The following NLGN4X variants were observed in gnomAD, a reference collection of about 807,000 sequenced individuals.
The protein encoded by NLGN4X is neuroligin 4 X-linked.
In NLGN4X, 3 loss-of-function variants were observed where a neutral mutation model predicts 40.3. The ratio of observed to expected loss-of-function variants is 0.07; its 90% confidence interval spans 0.03 to 0.19. NLGN4X has a LOEUF of 0.19. NLGN4X is among the 10% of genes least tolerant of loss of function. The pLI is 1.00. For missense variants in NLGN4X, 382 were observed against 708.3 expected (o/e 0.54, Z 5.23); for synonymous variants, 270 against 306.8 (o/e 0.88, Z 1.25).
At chrX:6,198,393 T>C (rs759006607) in intron 1 of NLGN4X, among the ~76,000 whole-genome samples, 2 of 111,891 alleles carry the variant, frequency 1.8e-5, no homozygotes, top group Non-Finnish European at 3.8e-5. Flanking sequence ...TGACTTTTCA[T>C]ATGATGCTAA....
At chrX:6,132,698 T>C (rs2039707194) in intron 2 of NLGN4X, among the ~76,000 whole-genome samples, 1 of 111,826 alleles carries the variant, frequency 8.9e-6, no homozygotes, top group Non-Finnish European at 1.9e-5. Context: ...CAGATAGAGT[T>C]GGCTGCCCTG....
At position 6,047,320 on chromosome X, in the gene NLGN4X, A is replaced by G. The variant is rs776254197; in HGVS notation, c.473-17888T>C. 6.3e-5 allele frequency among the ~76,000 whole-genome samples: 7 copies of G among 110,941 alleles called. No homozygotes were observed. In the South Asian group the frequency reaches 1.5e-3, roughly 24 times the overall value. On this transcript the variant is annotated intron_variant, in intron 2 of 5. Transcript: ENST00000381095. ...TGGTAAAACCCAGTATCTACTAACAACACAAAAATTAGCTGGTCGTGGGGT... is the reference window on the plus strand; with the variant it reads ...TGGTAAAACCCAGTATCTACTAACAGCACAAAAATTAGCTGGTCGTGGGGT...
At chrX:6,019,464 C>T (rs1256105090) in intron 3 of NLGN4X, among the ~76,000 whole-genome samples, 1 of 111,381 alleles carries the variant, frequency 9.0e-6, no homozygotes, top group Non-Finnish European at 1.9e-5. Flanking sequence ...TTTAAACATC[C>T]CGCTCAGATT....
intron 3 of NLGN4X, among the ~76,000 whole-genome samples, chrX:5,947,918 G>T (rs910025901): frequency 3.6e-5 from 4 of 111,943 alleles, no homozygotes; most frequent in African/African-American, 1.3e-4. Context: ...TTGCAGAATA[G>T]CATGAGCACA....
intron 3 of NLGN4X, among the ~76,000 whole-genome samples, chrX:5,946,937 T>A (rs2034143730): frequency 8.9e-6 from 1 of 111,822 alleles, no homozygotes; most frequent in African/African-American, 3.3e-5. Flanking sequence ...AGTATTTGAT[T>A]CTCTGTTACC....
At chrX:5,922,552 A>G (rs1453909020) in intron 3 of NLGN4X, among the ~76,000 whole-genome samples, 1 of 111,784 alleles carries the variant, frequency 8.9e-6, no homozygotes, top group Non-Finnish European at 1.9e-5. Flanking sequence ...CTTTAAATTA[A>G]GCAAAACTAA....
chrX:6,160,023 G>C (rs959517599), intron 1 of NLGN4X, among the ~76,000 whole-genome samples: 1 of 110,963 alleles, frequency 9.0e-6, no homozygotes, highest in African/African-American at 3.3e-5. Context: ...GAGAGAGAGA[G>C]AAGTGAGGAT....
At position 6,228,557 on chromosome X, in the gene NLGN4X, C is replaced by G. The variant is rs745859078; in HGVS notation, c.-322G>C. ...TGCACCTACCTTAGCTTTGGAAGAG[C>G]TGCATCGGCCGTTAAGAGTTCTTTT... On this transcript the variant is annotated 5_prime_UTR_variant, in exon 1 of 6. Transcript: ENST00000381095. 4.5e-5 allele frequency: 5 copies of G among 111,384 alleles called. No individual in the cohort carries two copies. The highest frequency in any genetic ancestry group is 7.5e-5 in the Non-Finnish European group (4 of 53,152). The allele number at this position is 111,384 out of a possible 1,213,427, so 9.2% of individuals were successfully genotyped here.
At chrX:6,213,459 C>G (rs5916333) in intron 1 of NLGN4X, among the ~76,000 whole-genome samples, 34,684 of 110,528 alleles carry the variant, frequency 0.31, 5,865 homozygotes, top group African/African-American at 0.66. Context: ...CCAGTGAAAT[C>G]CAAACAAATT....
chrX:6,137,277 G>A (rs936142065), intron 2 of NLGN4X, among the ~76,000 whole-genome samples: 2 of 111,670 alleles, frequency 1.8e-5, no homozygotes, highest in African/African-American at 6.5e-5. Flanking sequence ...TGTCTTTGTT[G>A]TTGTGTCTCT....
chrX:6,104,527 GCTCT>G (rs34616814), intron 2 of NLGN4X, among the ~76,000 whole-genome samples: 34 of 102,987 alleles, frequency 3.3e-4, no homozygotes, highest in Admixed American at 5.3e-4. Context: ...GATCTTTTTT[GCTCT>G]CTCTCTCTCT....
intron 2 of NLGN4X, among the ~76,000 whole-genome samples, chrX:6,138,197 G>A (rs1305035812): frequency 1.8e-5 from 2 of 111,773 alleles, no homozygotes; most frequent in African/African-American, 6.5e-5. Context: ...GTGGCTTCCA[G>A]CTCAATATAT....
At chrX:6,063,474 C>T (rs1013856952) in intron 2 of NLGN4X, among the ~76,000 whole-genome samples, 1 of 111,569 alleles carries the variant, frequency 9.0e-6, no homozygotes, top group Admixed American at 9.5e-5. Flanking sequence ...CAGGGCAAGA[C>T]CCTGTCTTTA....
intron 5 of NLGN4X, among the ~76,000 whole-genome samples, chrX:5,899,322 C>A (rs2031711340): frequency 8.9e-6 from 1 of 111,848 alleles, no homozygotes; most frequent in Middle Eastern, 4.2e-3. Context: ...TCTCTACCTG[C>A]AGCTTTTGAT....
intron 2 of NLGN4X, among the ~76,000 whole-genome samples, chrX:6,088,555 C>CT (rs1247745972): frequency 1.8e-5 from 2 of 111,914 alleles, no homozygotes; most frequent in African/African-American, 6.5e-5. Flanking sequence ...AAGCAAATCT[C>CT]TATCACCATT....
intron 3 of NLGN4X, among the ~76,000 whole-genome samples, chrX:5,969,667 C>G (rs1403520793): frequency 9.0e-6 from 1 of 111,013 alleles, no homozygotes; most frequent in Non-Finnish European, 1.9e-5. Context: ...AGCCATCCCA[C>G]TACTGATCAT....
chrX:6,119,833 G>A (rs866526668), intron 2 of NLGN4X, among the ~76,000 whole-genome samples: 3 of 111,227 alleles, frequency 2.7e-5, no homozygotes, highest in Non-Finnish European at 5.7e-5. Flanking sequence ...TCATGAAGAC[G>A]TGATCTTTGT....
At position 5,891,191 on chromosome X, in the gene NLGN4X, C is replaced by CCCTA. The variant is rs2146675028; in HGVS notation, c.*1622_*1625dup. ...GCTGTTGGAAAGACAAATCTCTGAT[C>CCCTA]CCTAGGTCACCAATTTAAAATGGGT... is the stretch of plus-strand genomic sequence containing the variant. On this transcript the variant is annotated 3_prime_UTR_variant, in exon 6 of 6. Transcript: ENST00000381095. The CCCTA allele has an allele frequency of 4.3e-6, 1 of 230,298 alleles. No homozygotes were observed. The highest frequency in any genetic ancestry group is 3.0e-5 in the African/African-American group (1 of 33,648). The allele number at this position is 230,298 out of a possible 1,213,427, so 19.0% of individuals were successfully genotyped here. A position where few individuals can be genotyped will look rare whatever the true frequency, so the allele number is the denominator to read the frequency against.
intron 3 of NLGN4X, among the ~76,000 whole-genome samples, chrX:5,946,215 TG>T (rs2034116006): frequency 9.0e-6 from 1 of 111,467 alleles, no homozygotes; most frequent in African/African-American, 3.3e-5. Context: ...ATGATCTAGC[TG>T]TGGCAACCAA....
Sources: allele counts gnomAD v4.1 joint callset (sites outside exome capture counted in the v4.1 genomes callset), GRCh38; gene constraint gnomAD v4.1.1; transcripts MANE v1.5; gene names NCBI Gene and HGNC (gene_info 2026-07-23, HGNC 2026-07-21).